Variants in CNTNAP4 observed in about 807,000 individuals in gnomAD.
The protein encoded by CNTNAP4 is contactin associated protein family member 4.
In CNTNAP4, 98 loss-of-function variants were observed where a neutral mutation model predicts 148.4. The observed-to-expected ratio is 0.66, with a 90% CI of 0.56 to 0.78. CNTNAP4 has a LOEUF of 0.78. Ranked by LOEUF, CNTNAP4 falls within the 30% of genes least tolerant of loss-of-function variation. The probability of loss-of-function intolerance (pLI) is 0.00; values close to 1 mark genes in which losing one functional copy is unlikely to be tolerated. For synonymous variants in CNTNAP4, 730 were observed against 565.1 expected, an observed-to-expected ratio of 1.29 and a Z score of -4.14; for missense variants, 1,935 against 1,565.6, an observed-to-expected ratio of 1.24 and a Z score of -3.98.
chr16:76,553,807 C>T lies in CNTNAP4; in HGVS notation c.3662-29C>T, dbSNP rs1274969800. 5 of 1,487,584 alleles carry T rather than the reference C, an allele frequency of 3.4e-6. No homozygotes were observed. The African/African-American group carries it at 5.6e-5, about 17-fold the overall frequency. The allele number at this position is 1,487,584 out of a possible 1,614,324, so 92.1% of individuals were successfully genotyped here. On this transcript the variant is annotated intron_variant, in intron 22 of 23. Transcript: ENST00000611870. ...TTCTTCTTTTACTTGCCTATATCAC[C>T]TTCCCCCTTTGTTGTGCTTTAACTG...
At chr16:76,337,978 T>C (rs1275459556) in intron 2 of CNTNAP4, among the ~76,000 whole-genome samples, 1 of 152,208 alleles carries the variant, frequency 6.6e-6, no homozygotes, top group Non-Finnish European at 1.5e-5. Flanking sequence ...TGCCCTGATT[T>C]CATATTGTTC....
chr16:76,488,592 C>T (rs1269910535), intron 12 of CNTNAP4, among the ~76,000 whole-genome samples: 1 of 152,036 alleles, frequency 6.6e-6, no homozygotes, highest in African/African-American at 2.4e-5. Flanking sequence ...GAAAGTTTTG[C>T]CTACTATTAC....
At chr16:76,441,490 T>C (rs757977100) in intron 4 of CNTNAP4, among the ~76,000 whole-genome samples, 6 of 150,930 alleles carry the variant, frequency 4.0e-5, no homozygotes, top group Non-Finnish European at 6.0e-5. Context: ...TTTTTGAGTC[T>C]CTTCTTTCCT....
chr16:76,308,023 T>C (rs1380372526), intron 1 of CNTNAP4, among the ~76,000 whole-genome samples: 1 of 152,246 alleles, frequency 6.6e-6, no homozygotes, highest in South Asian at 2.1e-4. Context: ...TATAGGCTGC[T>C]GTCTAAATGA....
At position 76,406,366 on chromosome 16, in the gene CNTNAP4, T is replaced by C. The variant is rs564316646; in HGVS notation, c.391-21086T>C. The stretch of plus-strand genomic sequence containing the variant: ...GTTCCCGCATCTCTCTCTCTCTCCT[T>C]GGACCTCCCTATTTCCTGAGAGACA... On this transcript the variant is annotated intron_variant, in intron 3 of 23. Coordinates refer to ENST00000611870, the MANE Select transcript of CNTNAP4 (RefSeq NM_033401.5). Among the ~76,000 whole-genome samples the C allele has an allele frequency of 5.3e-3, 806 of 152,232 alleles. 11 individuals are homozygous for C. The highest frequency in any genetic ancestry group is 0.019 in the African/African-American group (782 of 41,546).
chr16:76,522,240 A>T lies in CNTNAP4; in HGVS notation c.2738A>T (p.Asn913Ile). 2 of 1,613,886 alleles carry T rather than the reference A, an allele frequency of 1.2e-6. No individual in the cohort carries two copies. The highest frequency in any genetic ancestry group is 1.7e-6 in the Non-Finnish European group (2 of 1,179,834). Residue 913 changes from asparagine (N) to isoleucine (I), a missense_variant, in exon 17 of 24, where the codon AAC becomes ATC. Transcript: ENST00000611870. ...GATGGGCATGTCCTGTTACAGCTCA[A>T]CAGTCAGCTCTTCGTGGGTAAGTTC... is the stretch of plus-strand genomic sequence containing the variant. ...PADGHVLLQL[N>I]SQLFVGGTAT...
intron 3 of CNTNAP4, among the ~76,000 whole-genome samples, chr16:76,395,565 A>G (rs544217489): frequency 4.3e-4 from 65 of 152,086 alleles, no homozygotes; most frequent in African/African-American, 1.3e-3. Flanking sequence ...CGCCCGGCCA[A>G]AGATTCTTAA....
intron 17 of CNTNAP4, among the ~76,000 whole-genome samples, chr16:76,525,969 A>G (rs1057357845): frequency 1.1e-4 from 16 of 151,664 alleles, no homozygotes; most frequent in Non-Finnish European, 1.3e-4. Flanking sequence ...ATATGTATGT[A>G]TCCGTACATG....
intron 8 of CNTNAP4, among the ~76,000 whole-genome samples, chr16:76,456,930 T>A (rs1018435888): frequency 6.6e-6 from 1 of 152,112 alleles, no homozygotes; most frequent in Admixed American, 6.5e-5. Context: ...AAGGTGAGAA[T>A]GATAAGTTAT....
rs1303905373 is a variant in CNTNAP4, at chr16:76,522,729, T to TC, written c.2755+472_2755+473insC. Among the ~76,000 whole-genome samples, 25 of 89,444 alleles carry TC rather than the reference T, an allele frequency of 2.8e-4. 2 individuals carry two copies. Among genetic ancestry groups the TC allele is most frequent in the South Asian group, 7.6e-4 (2 of 2,626 alleles). The allele number at this position is 89,444 out of a possible 152,430, so 58.7% of individuals were successfully genotyped here. On this transcript the variant is annotated intron_variant, in intron 17 of 23. Transcript: ENST00000611870. ...TTCTTTTCTTTTCTTTTCTTTTCTT[T>TC]TCTTTTCTTTTCTTTTCTTTTCTTT...
intron 3 of CNTNAP4, among the ~76,000 whole-genome samples, chr16:76,366,042 T>G (rs1567870489): frequency 6.6e-6 from 1 of 152,208 alleles, no homozygotes; most frequent in Non-Finnish European, 1.5e-5. Context: ...TTTTTGTTAT[T>G]GTTGTCTTTT....
chr16:76,325,711 C>CA (rs1262765980), intron 2 of CNTNAP4, among the ~76,000 whole-genome samples: 2 of 151,734 alleles, frequency 1.3e-5, no homozygotes, highest in Admixed American at 6.6e-5. Context: ...GCATTCATCC[C>CA]AAAAAACTAC....
At chr16:76,362,920 G>T (rs1594027) in intron 3 of CNTNAP4, among the ~76,000 whole-genome samples, 41,684 of 151,750 alleles carry the variant, frequency 0.27, 6,278 homozygotes, top group Non-Finnish European at 0.35. Context: ...AATAAAATAA[G>T]GAAAAAAGAA....
At chr16:76,358,503 G>T (rs1214073733) in intron 3 of CNTNAP4, among the ~76,000 whole-genome samples, 1 of 152,152 alleles carries the variant, frequency 6.6e-6, no homozygotes, top group Non-Finnish European at 1.5e-5. Context: ...AAAGTAGTAA[G>T]GCTTACATAG....
chr16:76,455,526 C>T (rs971091193), intron 8 of CNTNAP4, among the ~76,000 whole-genome samples: 24 of 152,184 alleles, frequency 1.6e-4, no homozygotes, highest in African/African-American at 4.3e-4. Flanking sequence ...TCCTAACTTT[C>T]GGGCTGTAAA....
At chr16:76,409,487 A>G (rs1195685019) in intron 3 of CNTNAP4, among the ~76,000 whole-genome samples, 1 of 152,030 alleles carries the variant, frequency 6.6e-6, no homozygotes, top group Non-Finnish European at 1.5e-5. Context: ...TGAAATAGAA[A>G]CAATATGGAT....
At chr16:76,350,436 C>T (rs767361026) in intron 2 of CNTNAP4, among the ~76,000 whole-genome samples, 3 of 152,098 alleles carry the variant, frequency 2.0e-5, no homozygotes, top group South Asian at 2.1e-4. Flanking sequence ...TTTCTAGTAG[C>T]GTGCTTAGCA....
intron 2 of CNTNAP4, among the ~76,000 whole-genome samples, 195 bp from the exon 3 acceptor site, chr16:76,355,123 C>A (rs1339706765): frequency 6.6e-6 from 1 of 152,140 alleles, no homozygotes; most frequent in Non-Finnish European, 1.5e-5. Flanking sequence ...GAAATGAATA[C>A]AATTAATTAA....
rs545518276 is a variant in CNTNAP4 at position 76,540,665 on chromosome 16, C to T, written c.3355-38C>T. The T allele has an allele frequency of 2.0e-5, 28 of 1,420,886 alleles. No individual in the cohort carries two copies. The East Asian group carries it at 6.8e-4, about 35-fold the overall frequency. 88.0% of individuals were successfully genotyped at this position (1,420,886 alleles called of 1,614,324 possible). On this transcript the variant is annotated intron_variant, in intron 20 of 23. Transcript: ENST00000611870. ...TCCTGTCTTCTCAACAAAACGTCATCCATTTGGATGTTTTTATCTTGTGTA... is the reference window on the plus strand; with the variant it reads ...TCCTGTCTTCTCAACAAAACGTCATTCATTTGGATGTTTTTATCTTGTGTA...
Sources: gnomAD v4.1 joint callset for allele counts (sites outside exome capture counted in the v4.1 genomes callset) on GRCh38, gnomAD v4.1.1 for gene constraint, MANE v1.5 for transcripts, NCBI Gene and HGNC (gene_info 2026-07-23, HGNC 2026-07-21) for gene names.